Variants in PLPP4 observed in about 807,000 individuals in gnomAD.
PLPP4 encodes the protein diacylglycerol pyrophosphate like 2.
A neutral mutation model predicts 32.2 loss-of-function variants in PLPP4; 20 were observed. The observed-to-expected ratio is 0.62, with a 90% CI of 0.44 to 0.90. The LOEUF (loss-of-function observed/expected upper bound fraction) is 0.90. PLPP4 is among the 40% of genes least tolerant of loss of function. The pLI, the probability that PLPP4 is intolerant of heterozygous loss-of-function variation, is 0.00. For missense variants in PLPP4, 257 were observed against 353.1 expected, an observed-to-expected ratio of 0.73 and a Z score of 2.18; for synonymous variants, 127 against 133.0, an observed-to-expected ratio of 0.95 and a Z score of 0.31.
intron 5 of PLPP4, among the ~76,000 whole-genome samples, chr10:120,569,082 T>C (rs34528849): frequency 0.052 from 7,957 of 151,930 alleles, 295 homozygotes; most frequent in Middle Eastern, 0.15. Context: ...CTGCCAAAAA[T>C]ACAAAAACTA....
intron 1 of PLPP4, among the ~76,000 whole-genome samples, chr10:120,473,040 G>C (rs942430934): frequency 1.3e-5 from 2 of 152,020 alleles, no homozygotes; most frequent in Non-Finnish European, 2.9e-5. Context: ...ATTCATAATG[G>C]AAAATCCCTT....
intron 5 of PLPP4, among the ~76,000 whole-genome samples, chr10:120,546,211 T>C (rs371248462): frequency 6.6e-6 from 1 of 152,102 alleles, no homozygotes; most frequent in Admixed American, 6.6e-5. Flanking sequence ...TACTCCTTAG[T>C]AAAATCCCTT....
At chr10:120,475,679 G>C (rs1843869965) in intron 1 of PLPP4, among the ~76,000 whole-genome samples, 1 of 152,198 alleles carries the variant, frequency 6.6e-6, no homozygotes, top group Non-Finnish European at 1.5e-5. Context: ...TGGTCTCCCT[G>C]GCCTGAGGTT....
intron 5 of PLPP4, among the ~76,000 whole-genome samples, chr10:120,528,544 A>G (rs1221002962): frequency 6.6e-6 from 1 of 152,212 alleles, no homozygotes; most frequent in African/African-American, 2.4e-5. Context: ...AAGGGGTATC[A>G]GCGAACTTGG....
chr10:120,564,855 A>AT (rs1848613319), intron 5 of PLPP4, among the ~76,000 whole-genome samples: 2 of 152,086 alleles, frequency 1.3e-5, no homozygotes. Flanking sequence ...TATTTAAAAA[A>AT]TTTTTAAATA....
At chr10:120,508,542 T>C (rs1470326167) in intron 2 of PLPP4, among the ~76,000 whole-genome samples, 2 of 152,050 alleles carry the variant, frequency 1.3e-5, no homozygotes, top group Admixed American at 1.3e-4. Flanking sequence ...CCCTCCCCCA[T>C]CAAACACACT....
intron 5 of PLPP4, among the ~76,000 whole-genome samples, chr10:120,566,537 C>T (rs1848698356): frequency 7.1e-6 from 1 of 140,056 alleles, no homozygotes; most frequent in Non-Finnish European, 1.6e-5. Flanking sequence ...TCTTTTCCTA[C>T]TTATTCTTTT....
At chr10:120,548,998 T>A (rs899582861) in intron 5 of PLPP4, among the ~76,000 whole-genome samples, 4 of 152,026 alleles carry the variant, frequency 2.6e-5, no homozygotes, top group African/African-American at 9.7e-5. Flanking sequence ...ATGCATAGTT[T>A]GTAAATATTT....
At chr10:120,557,100 T>A (rs1564838282) in intron 5 of PLPP4, among the ~76,000 whole-genome samples, 1 of 152,178 alleles carries the variant, frequency 6.6e-6, no homozygotes, top group Non-Finnish European at 1.5e-5. Flanking sequence ...GGCTTAGCAT[T>A]TTTCTGAGCC....
chr10:120,536,037 G>T (rs1847001004), intron 5 of PLPP4, among the ~76,000 whole-genome samples: 1 of 152,032 alleles, frequency 6.6e-6, no homozygotes, highest in Non-Finnish European at 1.5e-5. Flanking sequence ...ATTGATGAAA[G>T]AAATTAAAGA....
intron 1 of PLPP4, among the ~76,000 whole-genome samples, chr10:120,478,136 G>A (rs1373546281): frequency 6.6e-6 from 1 of 152,220 alleles, no homozygotes; most frequent in Non-Finnish European, 1.5e-5. Flanking sequence ...CAAGGAGGGA[G>A]ATGGCAAAGG....
intron 1 of PLPP4, among the ~76,000 whole-genome samples, chr10:120,498,191 T>C (rs1430827412): frequency 6.6e-6 from 1 of 152,228 alleles, no homozygotes; most frequent in Non-Finnish European, 1.5e-5. Flanking sequence ...GTAACTTTGC[T>C]TTTCAATGTA....
intron 3 of PLPP4, 66 bp from the exon 4 acceptor site, chr10:120,518,767 T>C: frequency 2.5e-6 from 3 of 1,198,186 alleles, no homozygotes; most frequent in Non-Finnish European, 3.7e-6. Flanking sequence ...ATGATGATAA[T>C]GATGATGATG....
intron 5 of PLPP4, among the ~76,000 whole-genome samples, chr10:120,527,662 C>G (rs1274703310): frequency 6.6e-6 from 1 of 152,090 alleles, no homozygotes; most frequent in Non-Finnish European, 1.5e-5. Context: ...CTAATGCATT[C>G]GTTGTAGAGG....
chr10:120,516,234 C>T (rs1845929879), intron 3 of PLPP4, among the ~76,000 whole-genome samples: 1 of 151,548 alleles, frequency 6.6e-6, no homozygotes, highest in Non-Finnish European at 1.5e-5. Context: ...CCAGTGTTGT[C>T]TGGAATTCAG....
chr10:120,515,335 C>G (rs1427364199), intron 3 of PLPP4, among the ~76,000 whole-genome samples: 1 of 152,206 alleles, frequency 6.6e-6, no homozygotes, highest in Non-Finnish European at 1.5e-5. Context: ...ACACTCCCAG[C>G]CTGATTCTTC....
chr10:120,494,729 C>T (rs899756490), intron 1 of PLPP4, among the ~76,000 whole-genome samples: 4 of 152,186 alleles, frequency 2.6e-5, no homozygotes, highest in African/African-American at 7.2e-5. Flanking sequence ...ATGATAGGTA[C>T]AAGAGAGTTG....
At chr10:120,573,189 A>G (rs923018989) in intron 5 of PLPP4, among the ~76,000 whole-genome samples, 2 of 152,222 alleles carry the variant, frequency 1.3e-5, no homozygotes, top group African/African-American at 2.4e-5. Flanking sequence ...GGAGGGTGCT[A>G]ATCATTACGC....
At chr10:120,552,528 T>A (rs1020904949) in intron 5 of PLPP4, among the ~76,000 whole-genome samples, 2 of 152,178 alleles carry the variant, frequency 1.3e-5, no homozygotes, top group Non-Finnish European at 2.9e-5. Context: ...TCTTGGGAAG[T>A]CTCCAGAACT....
Sources: allele counts gnomAD v4.1 joint callset (sites outside exome capture counted in the v4.1 genomes callset), GRCh38; gene constraint gnomAD v4.1.1; transcripts MANE v1.5; gene names NCBI Gene and HGNC (gene_info 2026-07-23, HGNC 2026-07-21).